Variants in GTF2A1L observed in about 807,000 individuals in gnomAD.
The protein encoded by GTF2A1L is general transcription factor IIA subunit 1 like.
In GTF2A1L, 48 loss-of-function variants were observed where a neutral mutation model predicts 49.7. The ratio of observed to expected loss-of-function variants is 0.97; its 90% CI spans 0.77 to 1.23. The LOEUF is 1.23. Among genes scored for constraint, GTF2A1L ranks in the 50% most tolerant of loss-of-function variants. The pLI, the probability that GTF2A1L is intolerant of heterozygous loss-of-function variation, is 0.00. For missense variants in GTF2A1L, 736 were observed against 564.8 expected (o/e 1.30, Z -3.07); for synonymous variants, 246 against 193.5 (o/e 1.27, Z -2.25).
intron 3 of GTF2A1L, among the ~76,000 whole-genome samples, chr2:48,637,377 G>A (rs6545055): frequency 0.93 from 141,147 of 152,240 alleles, 65,747 homozygotes; most frequent in East Asian, 1. Flanking sequence ...TGTTTGTGGA[G>A]TTGAATTCTT....
chr2:48,633,890 C>T (rs1391351958), intron 3 of GTF2A1L, among the ~76,000 whole-genome samples: 1 of 32,910 alleles, frequency 3.0e-5, no homozygotes, highest in Non-Finnish European at 8.4e-5. Context: ...ATATAATGGC[C>T]TTCTTTGTTT....
At chr2:48,650,591 G>A (rs1426650923) in intron 6 of GTF2A1L, among the ~76,000 whole-genome samples, 2 of 152,014 alleles carry the variant, frequency 1.3e-5, no homozygotes, top group East Asian at 3.8e-4. Context: ...TTTAAATTGA[G>A]TAAATACTTT....
At chr2:48,659,343 A>C (rs1678363786) in intron 6 of GTF2A1L, among the ~76,000 whole-genome samples, 1 of 152,166 alleles carries the variant, frequency 6.6e-6, no homozygotes, top group Non-Finnish European at 1.5e-5. Context: ...ATTGCTTTAC[A>C]TAATCCCAAT....
intron 6 of GTF2A1L, among the ~76,000 whole-genome samples, chr2:48,649,148 C>G (rs1677705668): frequency 6.6e-6 from 1 of 152,114 alleles, no homozygotes; most frequent in Non-Finnish European, 1.5e-5. Context: ...CTGAATTTGA[C>G]TCTTCTAGGT....
At chr2:48,663,341 T>G (rs1678627948) in intron 6 of GTF2A1L, among the ~76,000 whole-genome samples, 1 of 151,830 alleles carries the variant, frequency 6.6e-6, no homozygotes, top group Non-Finnish European at 1.5e-5. Context: ...GAGGATGAGG[T>G]GGGAGGATCG....
chr2:48,631,359 TTA>T (rs1311220035), intron 3 of GTF2A1L, among the ~76,000 whole-genome samples: 1 of 152,108 alleles, frequency 6.6e-6, no homozygotes, highest in Admixed American at 6.6e-5. Context: ...TTGGGAGATT[TTA>T]TGTTTCTAGG....
At chr2:48,650,843 T>G (rs1157492487) in intron 6 of GTF2A1L, among the ~76,000 whole-genome samples, 1 of 152,206 alleles carries the variant, frequency 6.6e-6, no homozygotes, top group Non-Finnish European at 1.5e-5. Flanking sequence ...ATTAAATTCC[T>G]GTTAAGAATT....
intron 3 of GTF2A1L, among the ~76,000 whole-genome samples, chr2:48,622,826 T>A (rs1676081292): frequency 7.4e-6 from 1 of 135,536 alleles, no homozygotes; most frequent in South Asian, 2.5e-4. Context: ...ACAGTGAGAC[T>A]CCATCTTAAA....
At chr2:48,647,143 T>A in intron 6 of GTF2A1L, 101 bp downstream of exon 6, 1 of 1,112,222 alleles carries the variant, frequency 9.0e-7, no homozygotes, top group Non-Finnish European at 1.2e-6. Flanking sequence ...CAGAATTATA[T>A]ATATTTTGTT....
At chr2:48,639,990 C>G (rs1677113695) in intron 3 of GTF2A1L, among the ~76,000 whole-genome samples, 1 of 152,072 alleles carries the variant, frequency 6.6e-6, no homozygotes, top group African/African-American at 2.4e-5. Flanking sequence ...ATCAAAAACA[C>G]AAGGAGATAC....
chr2:48,661,689 A>G (rs1678508348), intron 6 of GTF2A1L, among the ~76,000 whole-genome samples: 1 of 146,978 alleles, frequency 6.8e-6, no homozygotes, highest in African/African-American at 2.4e-5. Context: ...TTTTTGACCT[A>G]AAATCCATTT....
intron 3 of GTF2A1L, among the ~76,000 whole-genome samples, chr2:48,626,487 T>C (rs1207268855): frequency 6.9e-6 from 1 of 144,780 alleles, no homozygotes; most frequent in East Asian, 1.9e-4. Flanking sequence ...TTTAATGATA[T>C]CAGTTATTCC....
chr2:48,622,252 T>C (rs951562416), intron 3 of GTF2A1L, among the ~76,000 whole-genome samples: 2 of 152,224 alleles, frequency 1.3e-5, no homozygotes, highest in African/African-American at 4.8e-5. Context: ...AATGAATAAA[T>C]TAACAATGAA....
chr2:48,673,359 C>CTTTTTTTT (rs34493140), intron 8 of GTF2A1L, among the ~76,000 whole-genome samples: 3 of 109,702 alleles, frequency 2.7e-5, no homozygotes, highest in Admixed American at 1.1e-4. Flanking sequence ...ACACAGGAAA[C>CTTTTTTTT]TTTTTTTTTT....
chr2:48,666,588 T>TGG (rs1358850625), intron 6 of GTF2A1L, among the ~76,000 whole-genome samples: 3 of 136,402 alleles, frequency 2.2e-5, no homozygotes, highest in African/African-American at 7.1e-5. Flanking sequence ...TGTCAGGGTG[T>TGG]GTGTGTGTGT....
In GTF2A1L at chr2:48,671,623, A is replaced by C. The variant is rs769937482; in HGVS notation, c.1272A>C (p.Glu424Asp). Reference protein sequence around the residue: ...DPLNSGDDVSEQDVPDLFDTD... With the variant: ...DPLNSGDDVSDQDVPDLFDTD... ...TAAATTCTGGAGATGATGTTAGTGA[A>C]CAGGATGTGCCAGACCTGTTTGACA... Residue 424 changes from glutamate (E) to aspartate (D), a missense_variant, in exon 8 of 9, where the codon GAA (glutamate) becomes GAC (aspartate). Transcript: ENST00000403751. 5.0e-6 allele frequency: 8 copies of C among 1,613,440 alleles called. No individual in the cohort carries two copies. In the African/African-American group the frequency reaches 1.1e-4, roughly 22 times the overall value.
chr2:48,627,996 A>ATTAATTCACTTAGGATACCAGCC (rs1243974692), intron 3 of GTF2A1L, among the ~76,000 whole-genome samples: 1 of 144,000 alleles, frequency 6.9e-6, no homozygotes, highest in African/African-American at 2.5e-5. Flanking sequence ...CTGTTCCTGC[A>ATTAATTCACTTAGGATACCAGCC]TTAATTCACT....
At chr2:48,642,192 A>G (rs921300854) in intron 3 of GTF2A1L, among the ~76,000 whole-genome samples, 10 of 152,200 alleles carry the variant, frequency 6.6e-5, no homozygotes, top group African/African-American at 9.6e-5. Context: ...TTCTTTCAGC[A>G]CTTAAAGGAG....
At chr2:48,620,613 C>G (rs1226552576) in intron 1 of GTF2A1L, among the ~76,000 whole-genome samples, 1 of 151,922 alleles carries the variant, frequency 6.6e-6, no homozygotes, top group Non-Finnish European at 1.5e-5. Context: ...CCCTGTCTCT[C>G]TAAAAATACA....
Sources: gnomAD v4.1 joint callset for allele counts (sites outside exome capture counted in the v4.1 genomes callset) on GRCh38, gnomAD v4.1.1 for gene constraint, MANE v1.5 for transcripts, NCBI Gene and HGNC (gene_info 2026-07-23, HGNC 2026-07-21) for gene names.